SESTD1: variants seen among roughly 807,000 people sequenced by gnomAD.
SESTD1 encodes the protein SEC14 domain and spectrin repeat-containing protein 1.
SESTD1 carries 43 observed loss-of-function variants against 101.7 expected under a neutral mutation model. The ratio of observed to expected loss-of-function variants is 0.42; its 90% CI spans 0.33 to 0.55. SESTD1 has a LOEUF of 0.55. Among genes scored for constraint, SESTD1 ranks in the 20% least tolerant of loss-of-function variants. SESTD1 has a pLI of 0.07. For missense variants in SESTD1, 647 were observed against 815.1 expected (o/e 0.79, Z 2.51); for synonymous variants, 283 against 286.8 (o/e 0.99, Z 0.13).
intron 1 of SESTD1, among the ~76,000 whole-genome samples, chr2:179,256,049 T>C (rs532478753): frequency 3.3e-5 from 5 of 152,052 alleles, no homozygotes; most frequent in African/African-American, 7.2e-5. Context: ...CCTTTCAAAA[T>C]ATTGCTGCTC....
chr2:179,175,066 G>C (rs2045988551), intron 4 of SESTD1, among the ~76,000 whole-genome samples: 1 of 152,134 alleles, frequency 6.6e-6, no homozygotes, highest in African/African-American at 2.4e-5. Flanking sequence ...ACATGCCACT[G>C]GTAAATACAC....
chr2:179,198,269 T>C (rs1407851552), intron 1 of SESTD1, among the ~76,000 whole-genome samples: 1 of 152,146 alleles, frequency 6.6e-6, no homozygotes, highest in East Asian at 1.9e-4. Context: ...CCTAAATATA[T>C]ATGCACCCAA....
At chr2:179,176,355 C>T in intron 4 of SESTD1, 93 bp downstream of exon 4, 1 of 907,390 alleles carries the variant, frequency 1.1e-6, no homozygotes, top group Non-Finnish European at 1.8e-6. Flanking sequence ...GGAAGCCAGG[C>T]ACAGTCCAAT....
rs2046325065 is a variant in SESTD1, at chr2:179,191,884, CA to C, written c.-25-19del. 6.8e-7 allele frequency: 1 copy of C among 1,473,322 alleles called. No homozygotes were observed. The highest frequency in any genetic ancestry group is 9.5e-7 in the Non-Finnish European group (1 of 1,058,198). 91.3% of individuals were successfully genotyped at this position (1,473,322 alleles called of 1,614,324 possible). A position where few individuals can be genotyped will look rare whatever the true frequency, so the allele number is the denominator to read the frequency against. Reference sequence around the variant, plus strand: ...CCTTAATTCTGAAAACACAGAAAGTCAAATGTCAACTACAAGACAACAATTA... The same window carrying C: ...CCTTAATTCTGAAAACACAGAAAGTCAATGTCAACTACAAGACAACAATTA... On this transcript the variant is annotated intron_variant, in intron 1 of 17. Coordinates refer to ENST00000428443, the MANE Select transcript of SESTD1 (RefSeq NM_178123.5).
At chr2:179,199,247 T>A (rs914110942) in intron 1 of SESTD1, among the ~76,000 whole-genome samples, 5 of 151,904 alleles carry the variant, frequency 3.3e-5, no homozygotes, top group African/African-American at 1.2e-4. Flanking sequence ...CTCCCAAGAC[T>A]AAACCAGGAA....
intron 9 of SESTD1, among the ~76,000 whole-genome samples, chr2:179,140,532 A>G (rs548524096): frequency 1.3e-5 from 2 of 152,294 alleles, no homozygotes; most frequent in East Asian, 3.9e-4. Context: ...TCAGAACTGC[A>G]AGAAAATAAA....
At chr2:179,177,651 A>G (rs1024267380) in intron 3 of SESTD1, among the ~76,000 whole-genome samples, 6 of 152,230 alleles carry the variant, frequency 3.9e-5, no homozygotes, top group Non-Finnish European at 7.3e-5. Context: ...GGGAGGGAAC[A>G]GCCAAGCACT....
intron 4 of SESTD1, among the ~76,000 whole-genome samples, chr2:179,173,999 A>T (rs1035524815): frequency 6.6e-6 from 1 of 152,228 alleles, no homozygotes; most frequent in Non-Finnish European, 1.5e-5. Flanking sequence ...ATCCTCTGCA[A>T]CAACTGGATT....
rs1265915142 is a variant in SESTD1, at chr2:179,151,391, C to T, written c.370G>A (p.Val124Ile). ...WKEKDRLGFE[V>I]ILVSANKLTR... ...AATTTGTTGGCGGACACTAAAATAA[C>T]CTATAAAAAGGTTAAAAGAAAAGAA... The change falls in exon 6 of 18, where the codon GTT becomes ATT. Residue 124 changes from valine (V) to isoleucine (I), a missense_variant and splice_region_variant. Around this residue, in one of 3 missense-constraint regions of SESTD1, gnomAD observed 168 missense variants for 235.1 expected, o/e 0.71. Transcript: ENST00000428443. 3 of 1,586,168 alleles carry T rather than the reference C, an allele frequency of 1.9e-6. No homozygotes were observed. The highest frequency in any genetic ancestry group is 2.6e-6 in the Non-Finnish European group (3 of 1,169,872).
At position 179,213,915 on chromosome 2, in the gene SESTD1, C is replaced by G. The variant is rs1350288327; in HGVS notation, c.-25-22049G>C. On this transcript the variant is annotated intron_variant, in intron 1 of 17. Transcript: ENST00000428443. ...AGTGAAGGAGAAATAAAATCCTTCA[C>G]AGACAAGCAAATGCTGAGACATTTT... is the stretch of plus-strand genomic sequence containing the variant. Among the ~76,000 whole-genome samples, 5 of 134,822 alleles carry G rather than the reference C, an allele frequency of 3.7e-5. 2 individuals are homozygous for G. The allele number at this position is 134,822 out of a possible 152,430, so 88.4% of individuals were successfully genotyped here.
chr2:179,136,452 G>A (rs1213995006), intron 9 of SESTD1, among the ~76,000 whole-genome samples: 1 of 152,246 alleles, frequency 6.6e-6, no homozygotes, highest in Admixed American at 6.5e-5. Flanking sequence ...TAAAAAGAAC[G>A]AGTTTTAAGG....
chr2:179,230,110 T>A, intron 1 of SESTD1, among the ~76,000 whole-genome samples: 1 of 122,132 alleles, frequency 8.2e-6, no homozygotes, highest in Admixed American at 9.3e-5. Context: ...CTGGATTGTA[T>A]CTCTTTTTTT....
intron 2 of SESTD1, among the ~76,000 whole-genome samples, chr2:179,190,081 C>T (rs1229122595): frequency 6.6e-6 from 1 of 151,934 alleles, no homozygotes; most frequent in East Asian, 1.9e-4. Context: ...AAAAAAAAGC[C>T]CAATTAGCTA....
rs879743123 is a variant in SESTD1 at position 179,200,786 on chromosome 2, G to C, written c.-25-8920C>G. ...AAAAATCAATTCAAGATGGATTAAA[G>C]ACTTAAACATTAGACTGAAAACCAT... On this transcript the variant is annotated intron_variant, in intron 1 of 17. Transcript: ENST00000428443. Among the ~76,000 whole-genome samples, 24 of 134,922 alleles carry C rather than the reference G, an allele frequency of 1.8e-4. 3 individuals are homozygous for C. Among genetic ancestry groups the C allele is most frequent in the Non-Finnish European group, 2.9e-4 (18 of 62,828 alleles). 88.5% of individuals were successfully genotyped at this position (134,922 alleles called of 152,430 possible). A position where few individuals can be genotyped will look rare whatever the true frequency, so the allele number is the denominator to read the frequency against.
intron 3 of SESTD1, among the ~76,000 whole-genome samples, chr2:179,178,764 G>C (rs1241158123): frequency 6.6e-6 from 1 of 152,114 alleles, no homozygotes; most frequent in Non-Finnish European, 1.5e-5. Context: ...TGTGCCATGT[G>C]CCATTCTCAT....
intron 1 of SESTD1, among the ~76,000 whole-genome samples, chr2:179,257,363 C>T (rs1009410879): frequency 3.3e-5 from 5 of 152,172 alleles, no homozygotes; most frequent in East Asian, 1.9e-4. Context: ...TCAGAGGATC[C>T]GTAGCACTGT....
chr2:179,166,093 A>G (rs1370854091), intron 5 of SESTD1, among the ~76,000 whole-genome samples: 1 of 152,168 alleles, frequency 6.6e-6, no homozygotes, highest in Non-Finnish European at 1.5e-5. Flanking sequence ...GTAGGAATTT[A>G]GGTTAAAATT....
At chr2:179,222,418 T>C (rs2046828325) in intron 1 of SESTD1, among the ~76,000 whole-genome samples, 3 of 152,134 alleles carry the variant, frequency 2.0e-5, no homozygotes, top group Admixed American at 2.0e-4. Flanking sequence ...AAGCACCCAA[T>C]AAATGGCATT....
At chr2:179,172,282 A>G (rs773239014) in intron 4 of SESTD1, 49 bp from the exon 5 acceptor site, 1 of 1,196,530 alleles carries the variant, frequency 8.4e-7, no homozygotes, top group Non-Finnish European at 1.2e-6. Flanking sequence ...AAAATGAATA[A>G]TTTACTAAAT....
Sources: gnomAD v4.1 joint callset for allele counts (sites outside exome capture counted in the v4.1 genomes callset) on GRCh38, gnomAD v4.1.1 for gene constraint, gnomAD v4.1.1 regional missense constraint, MANE v1.5 for transcripts, NCBI Gene and HGNC (gene_info 2026-07-23, HGNC 2026-07-21) for gene names.